The following KCNJ11 variants were observed in gnomAD, a reference collection of about 807,000 sequenced individuals.
KCNJ11 encodes the protein ATP-sensitive inward rectifier potassium channel 11.
In KCNJ11, 12 loss-of-function variants were observed where a neutral mutation model predicts 17.3. The observed-to-expected ratio is 0.69, with a 90% CI of 0.44 to 1.12. The LOEUF (loss-of-function observed/expected upper bound fraction) is 1.12. Ranked by LOEUF, KCNJ11 falls within the 50% of genes most tolerant of loss-of-function variation. The pLI, the probability that KCNJ11 is intolerant of heterozygous loss-of-function variation, is 0.00. For missense variants in KCNJ11, 386 were observed against 554.1 expected (o/e 0.70, Z 3.05); for synonymous variants, 211 against 223.4 (o/e 0.94, Z 0.50).
chr11:17,388,605 AC>A lies in KCNJ11; in HGVS notation c.-515del. On this transcript the variant is annotated 5_prime_UTR_variant, in exon 1 of 1. Coordinates refer to ENST00000339994, the MANE Select transcript of KCNJ11 (RefSeq NM_000525.4). Reference sequence around the variant, plus strand: ...AAAAACAAAAAACAAAACAAAAAAAACAGCCTCACCCTTGAGCCCACCTGCC... The same window carrying A: ...AAAAACAAAAAACAAAACAAAAAAAAAGCCTCACCCTTGAGCCCACCTGCC... The A allele has an allele frequency of 3.2e-6, 1 of 307,734 alleles. No individual in the cohort carries two copies. The highest frequency in any genetic ancestry group is 2.6e-5 in the South Asian group (1 of 38,114). 19.1% of individuals were successfully genotyped at this position (307,734 alleles called of 1,614,324 possible).
rs748053505 is a variant in KCNJ11 at position 17,386,883 on chromosome 11, G to C, written c.*36C>G. 5 of 1,579,766 alleles carry C rather than the reference G, an allele frequency of 3.2e-6. No homozygotes were observed. The East Asian group carries it at 1.1e-4, about 35-fold the overall frequency. ...GGGCTACATACCACATGGTCCGTGT[G>C]TACACACGCGTGTGGGGGGCCCGAG... On this transcript the variant is annotated 3_prime_UTR_variant, in exon 1 of 1. Transcript: ENST00000339994.
In KCNJ11 at chr11:17,387,985, A is replaced by T; in HGVS notation, c.107T>A (p.Val36Glu). 6.2e-7 allele frequency: 1 copy of T among 1,613,766 alleles called. No individual in the cohort carries two copies. The highest frequency in any genetic ancestry group is 8.5e-7 in the Non-Finnish European group (1 of 1,179,694). ...CACGTTGCAGTTGCCTTTCTTGGAC[A>T]CAAAGCGGGCCCTCCGCTGGCGGGC... ...YRARQRRARF[V>E]SKKGNCNVAH... Residue 36 changes from valine (V) to glutamate (E), a missense_variant, in exon 1 of 1, where the codon GTG (valine) becomes GAG (glutamate). Val to Glu is a moderately radical substitution (Grantham distance 121, BLOSUM62 -2). Transcript: ENST00000339994.
rs200855007 is a variant in KCNJ11 at position 17,387,189 on chromosome 11, G to A, written c.903C>T (p.Arg301=). 171 of 1,614,250 alleles carry A rather than the reference G, an allele frequency of 1.1e-4. No individual in the cohort carries two copies. The highest frequency in any genetic ancestry group is 1.4e-4 in the Non-Finnish European group (164 of 1,180,034). The change falls in exon 1 of 1, where the codon CGC becomes CGT. Residue 301 remains arginine, a synonymous_variant. Transcript: ENST00000339994. ...VETTGITTQA[R]TSYLADEILW... The stretch of plus-strand genomic sequence containing the variant: ...GGATCTCATCGGCCAGGTAGGAGGT[G>A]CGGGCCTGGGTGGTGATGCCCGTGG...
Position 17,387,570 on chromosome 11 carries a change from G to A in KCNJ11, c.522C>T (p.Ala174=). Residue 174 remains alanine, a synonymous_variant, in exon 1 of 1, where the codon GCC becomes GCT. Coordinates refer to ENST00000339994, the MANE Select transcript of KCNJ11 (RefSeq NM_000525.4). The part of the protein sequence containing the change: ...LGCIFMKTAQ[A]HRRAETLIFS... ...AGATGAGGGTCTCAGCCCTGCGGTG[G>A]GCTTGGGCAGTCTTCATGAAGATGC... is the stretch of plus-strand genomic sequence containing the variant. 6.2e-7 allele frequency: 1 copy of A among 1,613,282 alleles called. No individual in the cohort carries two copies. The highest frequency in any genetic ancestry group is 8.5e-7 in the Non-Finnish European group (1 of 1,179,932).
Position 17,388,143 on chromosome 11 carries a change from A to T in KCNJ11, c.-52T>A. ...TTCCCCCATCGGAGGCACCCCTCGG[A>T]CGTGGCCTAGGGCCTCACTGCAGAG... On this transcript the variant is annotated 5_prime_UTR_variant, in exon 1 of 1. Coordinates refer to ENST00000339994, the MANE Select transcript of KCNJ11 (RefSeq NM_000525.4). 1 of 1,557,056 alleles carries T rather than the reference A, an allele frequency of 6.4e-7. No homozygotes were observed. Among genetic ancestry groups the T allele is most frequent in the Non-Finnish European group, 8.8e-7 (1 of 1,135,526 alleles).
rs115811959 is a variant in KCNJ11 at position 17,386,707 on chromosome 11, T to C, written c.*212A>G. 610 of 572,668 alleles carry C rather than the reference T, an allele frequency of 1.1e-3. 7 individuals are homozygous for C. Among genetic ancestry groups the C allele is most frequent in the African/African-American group, 9.8e-3 (524 of 53,498 alleles). The allele number at this position is 572,668 out of a possible 1,614,324, so 35.5% of individuals were successfully genotyped here. On this transcript the variant is annotated 3_prime_UTR_variant, in exon 1 of 1. Transcript: ENST00000339994. ...GGGAGAGGGGTGAGCCAGTCCTGAA[T>C]TGGGTTGGGAGGAGCAGGGACAAAA... is the stretch of plus-strand genomic sequence containing the variant.
At position 17,388,240 on chromosome 11, in the gene KCNJ11, C is replaced by T. The variant is rs1279843099; in HGVS notation, c.-149G>A. 3.0e-6 allele frequency: 2 copies of T among 668,380 alleles called. No homozygotes were observed. The highest frequency in any genetic ancestry group is 5.2e-6 in the Non-Finnish European group (2 of 385,136). The allele number at this position is 668,380 out of a possible 1,614,324, so 41.4% of individuals were successfully genotyped here. A position where few individuals can be genotyped will look rare whatever the true frequency, so the allele number is the denominator to read the frequency against. On this transcript the variant is annotated 5_prime_UTR_variant, in exon 1 of 1. Coordinates refer to ENST00000339994, the MANE Select transcript of KCNJ11 (RefSeq NM_000525.4). Reference sequence around the variant, plus strand: ...GCTGGCCTCACTTCTGAGATAACTCCCCACCAGACTCTTCCTTACCTCCAC... The same window carrying T: ...GCTGGCCTCACTTCTGAGATAACTCTCCACCAGACTCTTCCTTACCTCCAC...
Position 17,388,325 on chromosome 11 carries a change from TA to T in KCNJ11, c.-235del, listed in dbSNP as rs1953599031. The T allele has an allele frequency of 1.8e-6, 1 of 571,086 alleles. No individual in the cohort carries two copies. Among genetic ancestry groups the T allele is most frequent in the South Asian group, 2.3e-5 (1 of 43,222 alleles). 35.4% of individuals were successfully genotyped at this position (571,086 alleles called of 1,614,324 possible). On this transcript the variant is annotated 5_prime_UTR_variant, in exon 1 of 1. Coordinates refer to ENST00000339994, the MANE Select transcript of KCNJ11 (RefSeq NM_000525.4). The stretch of plus-strand genomic sequence containing the variant: ...GGCCGGGCGCGGTGGCTCACGCCTG[TA>T]ATCCCAGTACGTTGGGAGGCTGAGG...
In KCNJ11 at chr11:17,387,052, C is replaced by T. The variant is rs771797701; in HGVS notation, c.1040G>A (p.Arg347His). 84 of 1,614,086 alleles carry T rather than the reference C, an allele frequency of 5.2e-5. No homozygotes were observed. Among genetic ancestry groups the T allele is most frequent in the Middle Eastern group, 1.6e-4 (1 of 6,084 alleles). The change falls in exon 1 of 1, where the codon CGC becomes CAC. Residue 347 changes from arginine to histidine, a missense_variant. Coordinates refer to ENST00000339994, the MANE Select transcript of KCNJ11 (RefSeq NM_000525.4). ...VKVPTPLCTA[R>H]QLDEDHSLLE... is the part of the protein sequence containing the mutation. Reference sequence around the variant, plus strand: ...TAGGCTGTGGTCCTCATCAAGCTGGCGGGCCGTGCAGAGTGGTGTGGGCAC... The same window carrying T: ...TAGGCTGTGGTCCTCATCAAGCTGGTGGGCCGTGCAGAGTGGTGTGGGCAC...
chr11:17,387,221 C>T lies in KCNJ11; in HGVS notation c.871G>A (p.Val291Met). 6.2e-7 allele frequency: 1 copy of T among 1,614,244 alleles called. No homozygotes were observed. Among genetic ancestry groups the T allele is most frequent in the Non-Finnish European group, 8.5e-7 (1 of 1,180,046 alleles). Residue 291 changes from valine to methionine, a missense_variant, in exon 1 of 1, where the codon GTG becomes ATG. Transcript: ENST00000339994. ...TGGGTGGTGATGCCCGTGGTTTCCA[C>T]CACGCCTTCCAGGATGACGATGATC... Reference protein sequence around the residue: ...LEIIVILEGVVETTGITTQAR... With the variant: ...LEIIVILEGVMETTGITTQAR...
Position 17,386,649 on chromosome 11 carries a change from A to G in KCNJ11, c.*270T>C. ...GGCTGGACGCACAGCTCTAGGGCCC[A>G]GTACCTCCCACAGCCTCTGCAGCCT... is the stretch of plus-strand genomic sequence containing the variant. On this transcript the variant is annotated 3_prime_UTR_variant, in exon 1 of 1. Transcript: ENST00000339994. 2.0e-6 allele frequency: 1 copy of G among 488,394 alleles called. No individual in the cohort carries two copies. The highest frequency in any genetic ancestry group is 3.7e-6 in the Non-Finnish European group (1 of 271,102). The allele number at this position is 488,394 out of a possible 1,614,324, so 30.3% of individuals were successfully genotyped here. A position where few individuals can be genotyped will look rare whatever the true frequency, so the allele number is the denominator to read the frequency against.
In KCNJ11 at chr11:17,386,811, G is replaced by C. The variant is rs139391954; in HGVS notation, c.*108C>G. On this transcript the variant is annotated 3_prime_UTR_variant, in exon 1 of 1. Coordinates refer to ENST00000339994, the MANE Select transcript of KCNJ11 (RefSeq NM_000525.4). ...TTGTAACACCCTGGATGAGCAGCAG[G>C]GGGAGGCTGAGCTGAGGCTGGCCCA... is the stretch of plus-strand genomic sequence containing the variant. The C allele has an allele frequency of 6.5e-6, 6 of 920,970 alleles. No individual in the cohort carries two copies. Among genetic ancestry groups the C allele is most frequent in the Non-Finnish European group, 6.6e-6 (4 of 608,266 alleles). The allele number at this position is 920,970 out of a possible 1,614,324, so 57.0% of individuals were successfully genotyped here.
At position 17,386,398 on chromosome 11, in the gene KCNJ11, G is replaced by C. The variant is rs1248766295; in HGVS notation, c.*521C>G. The C allele has an allele frequency of 6.4e-6, 1 of 155,422 alleles. No individual in the cohort carries two copies. The highest frequency in any genetic ancestry group is 1.4e-5 in the Non-Finnish European group (1 of 70,182). 9.6% of individuals were successfully genotyped at this position (155,422 alleles called of 1,614,324 possible). A position where few individuals can be genotyped will look rare whatever the true frequency, so the allele number is the denominator to read the frequency against. ...CCCCAGGCTGTCCCTGCCGGTGTAG[G>C]CTCCACAGCACCAACCCTCCAGCGG... On this transcript the variant is annotated 3_prime_UTR_variant, in exon 1 of 1. Transcript: ENST00000339994.
At position 17,387,018 on chromosome 11, in the gene KCNJ11, A is replaced by G; in HGVS notation, c.1074T>C (p.Ala358=). 1 of 1,614,126 alleles carries G rather than the reference A, an allele frequency of 6.2e-7. No homozygotes were observed. The highest frequency in any genetic ancestry group is 8.5e-7 in the Non-Finnish European group (1 of 1,179,982). Residue 358 remains alanine, a synonymous_variant, in exon 1 of 1, where the codon GCT becomes GCC. Transcript: ENST00000339994. The part of the protein sequence containing the change: ...QLDEDHSLLE[A]LTLASARGPL... Reference sequence around the variant, plus strand: ...GCCCGCGGGCTGAGGCGAGGGTCAGAGCTTCCAGTAGGCTGTGGTCCTCAT... The same window carrying G: ...GCCCGCGGGCTGAGGCGAGGGTCAGGGCTTCCAGTAGGCTGTGGTCCTCAT...
chr11:17,387,640 A>G lies in KCNJ11; in HGVS notation c.452T>C (p.Val151Ala). Residue 151 changes from valine (V) to alanine (A), a missense_variant, in exon 1 of 1, where the codon GTG becomes GCG. Transcript: ENST00000339994. ...GATCATGAGCCCCACGATGTTCTGC[A>G]CGATGAGGATCAGGATGGCCAGTGG... ...ECPLAILILIVQNIVGLMINA... is the reference protein window; with the variant it reads ...ECPLAILILIAQNIVGLMINA... 6.2e-7 allele frequency: 1 copy of G among 1,614,016 alleles called. No homozygotes were observed. The highest frequency in any genetic ancestry group is 8.5e-7 in the Non-Finnish European group (1 of 1,180,026).
rs985670616 is a variant in KCNJ11, at chr11:17,388,414, T to C, written c.-323A>G. On this transcript the variant is annotated 5_prime_UTR_variant, in exon 1 of 1. Coordinates refer to ENST00000339994, the MANE Select transcript of KCNJ11 (RefSeq NM_000525.4). Reference sequence around the variant, plus strand: ...GACCAACATGGTGAAACCCCATCTCTACTAAAAATACAAAAGTTAGCCGGG... The same window carrying C: ...GACCAACATGGTGAAACCCCATCTCCACTAAAAATACAAAAGTTAGCCGGG... 2.8e-6 allele frequency: 1 copy of C among 358,958 alleles called. No individual in the cohort carries two copies. Among genetic ancestry groups the C allele is most frequent in the Non-Finnish European group, 5.2e-6 (1 of 193,448 alleles). 22.2% of individuals were successfully genotyped at this position (358,958 alleles called of 1,614,324 possible).
Position 17,385,529 on chromosome 11 carries a change from A to G in KCNJ11, c.*1390T>C, listed in dbSNP as rs1953543795. ...CGAGAGTTAGTGCTCCAATTACTAC[A>G]CTAATGCCTATGACACCTCTATACC... On this transcript the variant is annotated 3_prime_UTR_variant, in exon 1 of 1. Coordinates refer to ENST00000339994, the MANE Select transcript of KCNJ11 (RefSeq NM_000525.4). 1.3e-5 allele frequency among the ~76,000 whole-genome samples: 2 copies of G among 152,174 alleles called. No individual in the cohort carries two copies. Among genetic ancestry groups the G allele is most frequent in the African/African-American group, 4.8e-5 (2 of 41,450 alleles).
chr11:17,387,424 G>A lies in KCNJ11; in HGVS notation c.668C>T (p.Thr223Ile), dbSNP rs561086953. 1 of 1,613,762 alleles carries A rather than the reference G, an allele frequency of 6.2e-7. No individual in the cohort carries two copies. Among genetic ancestry groups the A allele is most frequent in the East Asian group, 2.2e-5 (1 of 44,872 alleles). ...ATIHMQVVRK[T>I]TSPEGEVVPL... ...CACCACCTCGCCCTCGGGGCTGGTG[G>A]TCTTGCGTACCACCTGCATGTGGAT... The change falls in exon 1 of 1, where the codon ACC (threonine) becomes ATC (isoleucine). Residue 223 changes from threonine (T) to isoleucine (I), a missense_variant. Physicochemically the swap from Thr to Ile is moderately conservative, Grantham distance 89. Transcript: ENST00000339994.
Position 17,388,589 on chromosome 11 carries a change from A to G in KCNJ11, c.-498T>C, listed in dbSNP as rs529946415. 3.3e-3 allele frequency: 972 copies of G among 291,628 alleles called. 4 individuals are homozygous for G. The highest frequency in any genetic ancestry group is 4.9e-3 in the South Asian group (194 of 39,376). The allele number at this position is 291,628 out of a possible 1,614,324, so 18.1% of individuals were successfully genotyped here. On this transcript the variant is annotated 5_prime_UTR_variant, in exon 1 of 1. Transcript: ENST00000339994. ...AGCGAGACTCCGTCTCAAAAACAAA[A>G]AACAAAACAAAAAAAACAGCCTCAC...
Sources: allele counts gnomAD v4.1 joint callset (sites outside exome capture counted in the v4.1 genomes callset), GRCh38; gene constraint gnomAD v4.1.1; transcripts MANE v1.5; gene names NCBI Gene and HGNC (gene_info 2026-07-23, HGNC 2026-07-21).